NECAP1: variants seen among roughly 807,000 people sequenced by gnomAD.
The protein encoded by NECAP1 is NECAP endocytosis associated 1.
A neutral mutation model predicts 33.4 loss-of-function variants in NECAP1; 13 were observed. The observed-to-expected ratio is 0.39, with a 90% CI of 0.25 to 0.62. The LOEUF (loss-of-function observed/expected upper bound fraction) is 0.62, where lower values mean the gene tolerates loss of function less well. Among genes scored for constraint, NECAP1 ranks in the 20% least tolerant of loss-of-function variants. The pLI, the probability that NECAP1 is intolerant of heterozygous loss-of-function variation, is 0.52. For synonymous variants in NECAP1, 109 were observed against 125.2 expected, an observed-to-expected ratio of 0.87 and a Z score of 0.86; for missense variants, 272 against 347.4, an observed-to-expected ratio of 0.78 and a Z score of 1.73.
chr12:8,093,344 C>T (rs890530123), intron 6 of NECAP1: 1 of 377,728 alleles, frequency 2.6e-6, no homozygotes, highest in Non-Finnish European at 4.7e-6. Flanking sequence ...AGATTTTGGT[C>T]ATGGCTCTGC....
In NECAP1 at chr12:8,083,669, C is replaced by G. The variant is rs759835819; in HGVS notation, c.95+1286C>G. 4.0e-5 allele frequency among the ~76,000 whole-genome samples: 6 copies of G among 149,916 alleles called. No individual in the cohort carries two copies. The East Asian group carries it at 9.8e-4, about 24-fold the overall frequency. ...GGTCTTGAACTCCTGACCTTGTGATCTGCCCACCTTGGCCTCCCATAGTAC... is the reference window on the plus strand; with the variant it reads ...GGTCTTGAACTCCTGACCTTGTGATGTGCCCACCTTGGCCTCCCATAGTAC... On this transcript the variant is annotated intron_variant, in intron 1 of 7. Coordinates refer to ENST00000339754, the MANE Select transcript of NECAP1 (RefSeq NM_015509.4).
At chr12:8,083,728 CGTT>C (rs1947464423) in intron 1 of NECAP1, among the ~76,000 whole-genome samples, 1 of 109,844 alleles carries the variant, frequency 9.1e-6, no homozygotes, top group Non-Finnish European at 1.8e-5. Flanking sequence ...GCCCAGCCGT[CGTT>C]TTTTTTTTTT....
chr12:8,093,054 A>G lies in NECAP1; in HGVS notation c.675A>G (p.Ala225=). Reference sequence around the variant, plus strand: ...AATCTAACCATGGAGGCAGTGATGCAGGTAAATCTAGTACTTCTAATTTTG... The same window carrying G: ...AATCTAACCATGGAGGCAGTGATGCGGGTAAATCTAGTACTTCTAATTTTG... ...IPKSNHGGSD[A]DILLDLDSPA... Residue 225 remains alanine (A), a splice_region_variant and synonymous_variant, in exon 6 of 8, where the codon GCA becomes GCG. Coordinates refer to ENST00000339754, the MANE Select transcript of NECAP1 (RefSeq NM_015509.4). 3 of 1,613,522 alleles carry G rather than the reference A, an allele frequency of 1.9e-6. No homozygotes were observed. Among genetic ancestry groups the G allele is most frequent in the Non-Finnish European group, 2.5e-6 (3 of 1,179,510 alleles).
At position 8,097,358 on chromosome 12, in the gene NECAP1, A is replaced by G. The variant is rs1947604017; in HGVS notation, c.*1268A>G. On this transcript the variant is annotated 3_prime_UTR_variant, in exon 8 of 8. Coordinates refer to ENST00000339754, the MANE Select transcript of NECAP1 (RefSeq NM_015509.4). Reference sequence around the variant, plus strand: ...AATTTTGAGGATGAAATGGGAAGATATCATTGCTTCCTTTTTGCACCTATT... The same window carrying G: ...AATTTTGAGGATGAAATGGGAAGATGTCATTGCTTCCTTTTTGCACCTATT... 6.5e-6 allele frequency: 1 copy of G among 152,784 alleles called. No homozygotes were observed. The highest frequency in any genetic ancestry group is 2.1e-4 in the South Asian group (1 of 4,830). The allele number at this position is 152,784 out of a possible 1,614,324, so 9.5% of individuals were successfully genotyped here. A position where few individuals can be genotyped will look rare whatever the true frequency, so the allele number is the denominator to read the frequency against.
At chr12:8,087,641 G>A (rs781090157) in intron 1 of NECAP1, among the ~76,000 whole-genome samples, 3 of 151,280 alleles carry the variant, frequency 2.0e-5, no homozygotes, top group African/African-American at 7.3e-5. Flanking sequence ...CTCCTGCCTT[G>A]GCCTCCCAAA....
chr12:8,090,407 T>C, intron 3 of NECAP1, 108 bp downstream of exon 3: 1 of 962,594 alleles, frequency 1.0e-6, no homozygotes, highest in Non-Finnish European at 1.6e-6. Context: ...TACTTCATTT[T>C]TTCTTCCCTT....
At position 8,091,842 on chromosome 12, in the gene NECAP1, T is replaced by C. The variant is rs770557502; in HGVS notation, c.375T>C (p.Asp125=). 6.2e-7 allele frequency: 1 copy of C among 1,613,024 alleles called. No homozygotes were observed. The highest frequency in any genetic ancestry group is 8.5e-7 in the Non-Finnish European group (1 of 1,179,530). The change falls in exon 4 of 8, where the codon GAT becomes GAC. Residue 125 remains aspartate (D), a synonymous_variant. Transcript: ENST00000339754. The stretch of plus-strand genomic sequence containing the variant: ...TCGACTTTAATGTCTCCTTGCAGGA[T>C]CACTTCAAGTGAGTGAAGCTTGTCC... The part of the protein sequence containing the change: ...DAFDFNVSLQ[D]HFKWVKQESE...
chr12:8,083,731 T>C (rs1242639932), intron 1 of NECAP1, among the ~76,000 whole-genome samples: 1 of 33,766 alleles, frequency 3.0e-5, no homozygotes. Context: ...CAGCCGTCGT[T>C]TTTTTTTTTT....
In NECAP1 at chr12:8,091,863, T is replaced by A; in HGVS notation, c.383+13T>A. 1.2e-6 allele frequency: 2 copies of A among 1,608,756 alleles called. No homozygotes were observed. The highest frequency in any genetic ancestry group is 1.7e-5 in the Admixed American group (1 of 59,676). ...AGGATCACTTCAAGTGAGTGAAGCT[T>A]GTCCTTAGTTACGAGGCTGAATGCT... On this transcript the variant is annotated intron_variant, in intron 4 of 7. Coordinates refer to ENST00000339754, the MANE Select transcript of NECAP1 (RefSeq NM_015509.4).
Position 8,095,991 on chromosome 12 carries a change from T to C in NECAP1, c.780-51T>C, listed in dbSNP as rs1407142991. On this transcript the variant is annotated intron_variant, in intron 7 of 7. Transcript: ENST00000339754. ...AGAAACTATTAAGTAAAGAATGGAGTTGTTATCCTAATATTATGTCTCTGG... is the reference window on the plus strand; with the variant it reads ...AGAAACTATTAAGTAAAGAATGGAGCTGTTATCCTAATATTATGTCTCTGG... 4.4e-6 allele frequency: 7 copies of C among 1,598,606 alleles called. No individual in the cohort carries two copies. In the South Asian group the frequency reaches 7.8e-5, roughly 18 times the overall value.
intron 1 of NECAP1, among the ~76,000 whole-genome samples, chr12:8,083,795 A>G (rs1947465467): frequency 6.9e-6 from 1 of 145,866 alleles, no homozygotes; most frequent in South Asian, 2.3e-4. Context: ...CTGGAGTGCA[A>G]GTGGTGCAAT....
chr12:8,094,970 C>G (rs1039387641), intron 6 of NECAP1, among the ~76,000 whole-genome samples: 1 of 152,140 alleles, frequency 6.6e-6, no homozygotes, highest in Non-Finnish European at 1.5e-5. Flanking sequence ...CAGGAATGTT[C>G]TATGAAAGGA....
intron 1 of NECAP1, among the ~76,000 whole-genome samples, chr12:8,085,686 C>CTTTTTTTTTTTTTTT: frequency 9.5e-6 from 1 of 104,810 alleles, no homozygotes; most frequent in Non-Finnish European, 1.8e-5. Flanking sequence ...ACTTAATCTT[C>CTTTTTTTTTTTTTTT]TTTTTTTTTT....
At position 8,090,104 on chromosome 12, in the gene NECAP1, A is replaced by G. The variant is rs1054841871; in HGVS notation, c.196+68A>G. On this transcript the variant is annotated intron_variant, in intron 2 of 7. Transcript: ENST00000339754. Reference sequence around the variant, plus strand: ...TGGTGTGCTTTTATAAGTACCTTCAATTTGGGGACTGGAATGGAAATACTA... The same window carrying G: ...TGGTGTGCTTTTATAAGTACCTTCAGTTTGGGGACTGGAATGGAAATACTA... 5.7e-6 allele frequency: 9 copies of G among 1,580,340 alleles called. No homozygotes were observed. In the East Asian group the frequency reaches 1.1e-4, roughly 20 times the overall value.
In NECAP1 at chr12:8,083,729, GTT is replaced by G. The variant is rs71042329; in HGVS notation, c.95+1366_95+1367del. Among the ~76,000 whole-genome samples the G allele has an allele frequency of 2.8e-3, 258 of 91,176 alleles. 1 individual carries two copies. The highest frequency in any genetic ancestry group is 4.1e-3 in the Non-Finnish European group (192 of 46,648). 59.8% of individuals were successfully genotyped at this position (91,176 alleles called of 152,430 possible). On this transcript the variant is annotated intron_variant, in intron 1 of 7. Coordinates refer to ENST00000339754, the MANE Select transcript of NECAP1 (RefSeq NM_015509.4). The stretch of plus-strand genomic sequence containing the variant: ...AGGCGTGACACCACGCCCAGCCGTC[GTT>G]TTTTTTTTTTTTTTTTTTTGTTAGA...
Position 8,091,604 on chromosome 12 carries a change from A to C in NECAP1, c.302-165A>C. 8.1e-6 allele frequency: 5 copies of C among 615,842 alleles called. No homozygotes were observed. In the South Asian group the frequency reaches 9.5e-5, roughly 12 times the overall value. 38.1% of individuals were successfully genotyped at this position (615,842 alleles called of 1,614,324 possible). On this transcript the variant is annotated intron_variant, in intron 3 of 7. Transcript: ENST00000339754. Reference sequence around the variant, plus strand: ...GAGGCGGAGCTCAGGTGGTCATGCAAGTGACGGGGAGCGGCTGTAAATACA... The same window carrying C: ...GAGGCGGAGCTCAGGTGGTCATGCACGTGACGGGGAGCGGCTGTAAATACA...
intron 1 of NECAP1, among the ~76,000 whole-genome samples, chr12:8,088,508 A>T (rs986837818): frequency 6.6e-6 from 1 of 152,210 alleles, no homozygotes; most frequent in African/African-American, 2.4e-5. Context: ...TCCAGAATAT[A>T]GCCACTTCTG....
intron 4 of NECAP1, 25 bp downstream of exon 4, chr12:8,091,875 C>A (rs11043334): frequency 3.1e-6 from 5 of 1,592,910 alleles, no homozygotes; most frequent in Middle Eastern, 1.7e-4. Flanking sequence ...TCCTTAGTTA[C>A]GAGGCTGAAT....
chr12:8,089,798 C>G lies in NECAP1; in HGVS notation c.96-138C>G, dbSNP rs1179926372. 49 of 696,470 alleles carry G rather than the reference C, an allele frequency of 7.0e-5. No homozygotes were observed. The East Asian group carries it at 1.1e-3, about 16-fold the overall frequency. The allele number at this position is 696,470 out of a possible 1,614,324, so 43.1% of individuals were successfully genotyped here. A position where few individuals can be genotyped will look rare whatever the true frequency, so the allele number is the denominator to read the frequency against. On this transcript the variant is annotated intron_variant, in intron 1 of 7. Coordinates refer to ENST00000339754, the MANE Select transcript of NECAP1 (RefSeq NM_015509.4). ...TGTAACATGAGGCATCTAAATAGAT[C>G]ATGAATTATTCTTGTTGATTAATAG...
Sources: gnomAD v4.1 joint callset for allele counts (sites outside exome capture counted in the v4.1 genomes callset) on GRCh38, gnomAD v4.1.1 for gene constraint, MANE v1.5 for transcripts, NCBI Gene and HGNC (gene_info 2026-07-23, HGNC 2026-07-21) for gene names.